Variants in PRKN observed in about 807,000 individuals in gnomAD.
The protein encoded by PRKN is parkin RBR E3 ubiquitin protein ligase.
PRKN carries 56 observed loss-of-function variants against 59.5 expected under a neutral mutation model. The ratio of observed to expected loss-of-function variants is 0.94; its 90% confidence interval spans 0.76 to 1.18. The LOEUF (loss-of-function observed/expected upper bound fraction) is 1.18. Ranked by LOEUF, PRKN falls within the 50% of genes most tolerant of loss-of-function variation. The pLI, the probability that PRKN is intolerant of heterozygous loss-of-function variation, is 0.00. For synonymous variants in PRKN, 250 were observed against 222.1 expected, an observed-to-expected ratio of 1.13 and a Z score of -1.12; for missense variants, 657 against 596.4, an observed-to-expected ratio of 1.10 and a Z score of -1.06.
At position 162,178,647 on chromosome 6, in the gene PRKN, T is replaced by G. The variant is rs114001355; in HGVS notation, c.534+22484A>C. Reference sequence around the variant, plus strand: ...TGCCAAAGTGCTGCAGGTGGACATGTTTGTGTGTTCTGAAGGACTTACATC... The same window carrying G: ...TGCCAAAGTGCTGCAGGTGGACATGGTTGTGTGTTCTGAAGGACTTACATC... On this transcript the variant is annotated intron_variant, in intron 4 of 11. Coordinates refer to ENST00000366898, the MANE Select transcript of PRKN (RefSeq NM_004562.3). 5.8e-3 allele frequency among the ~76,000 whole-genome samples: 878 copies of G among 152,290 alleles called. 12 individuals carry two copies. Among genetic ancestry groups the G allele is most frequent in the African/African-American group, 0.02 (845 of 41,552 alleles).
intron 6 of PRKN, among the ~76,000 whole-genome samples, chr6:161,805,478 A>ACACACATATG (rs61442187): frequency 5.4e-5 from 8 of 149,474 alleles, no homozygotes; most frequent in South Asian, 4.2e-4. Context: ...ACACACACAC[A>ACACACATATG]CATGCATGTA....
intron 1 of PRKN, among the ~76,000 whole-genome samples, chr6:162,498,648 T>C: frequency 6.6e-6 from 1 of 151,812 alleles, no homozygotes; most frequent in South Asian, 2.1e-4. Context: ...TTTCTCCATG[T>C]TGGTCAGGCT....
At chr6:162,278,967 A>AT (rs369361097) in intron 2 of PRKN, among the ~76,000 whole-genome samples, 3,485 of 152,186 alleles carry the variant, frequency 0.023, 130 homozygotes, top group African/African-American at 0.08. Flanking sequence ...TTTTTAAAAA[A>AT]TTTTTTAAAG....
chr6:162,347,188 T>C lies in PRKN; in HGVS notation c.172-84423A>G, dbSNP rs145219820. Among the ~76,000 whole-genome samples, 468 of 151,756 alleles carry C rather than the reference T, an allele frequency of 3.1e-3. 8 individuals are homozygous for C. The highest frequency in any genetic ancestry group is 0.027 in the Middle Eastern group (8 of 294). On this transcript the variant is annotated intron_variant, in intron 2 of 11. Coordinates refer to ENST00000366898, the MANE Select transcript of PRKN (RefSeq NM_004562.3). ...CATTTTCTTTAGGTTCTTTCTGTTG[T>C]CTTTTTTCTGACATCTTATGTTGGA...
chr6:161,478,249 T>C (rs1791214418), intron 9 of PRKN, among the ~76,000 whole-genome samples: 1 of 152,302 alleles, frequency 6.6e-6, no homozygotes, highest in South Asian at 2.1e-4. Flanking sequence ...AACTGAGTAG[T>C]GTGGCTCCCA....
intron 9 of PRKN, among the ~76,000 whole-genome samples, chr6:161,406,135 T>A (rs1272385396): frequency 6.6e-6 from 1 of 151,656 alleles, no homozygotes; most frequent in Admixed American, 6.6e-5. Context: ...TACACACACA[T>A]ATATATACAT....
chr6:161,780,201 T>C (rs1161898711), intron 7 of PRKN, among the ~76,000 whole-genome samples: 2 of 152,214 alleles, frequency 1.3e-5, no homozygotes, highest in Non-Finnish European at 2.9e-5. Context: ...CTGTATTATG[T>C]ATATAGTAAG....
chr6:162,377,970 G>T (rs1164817349), intron 2 of PRKN, among the ~76,000 whole-genome samples: 1 of 152,136 alleles, frequency 6.6e-6, no homozygotes, highest in Non-Finnish European at 1.5e-5. Flanking sequence ...AGTAAAACAA[G>T]AGGATCCCAG....
chr6:161,827,722 G>A (rs886347120), intron 6 of PRKN, among the ~76,000 whole-genome samples: 2 of 152,014 alleles, frequency 1.3e-5, no homozygotes, highest in African/African-American at 4.8e-5. Context: ...TGGCCAGTCT[G>A]CTCTTGAACT....
intron 4 of PRKN, among the ~76,000 whole-genome samples, chr6:162,186,666 A>AGTTTCTCATG (rs2128324939): frequency 6.6e-6 from 1 of 152,328 alleles, no homozygotes; most frequent in East Asian, 1.9e-4. Context: ...TCCTGGGAGC[A>AGTTTCTCATG]GTTTCTCATG....
rs922700331 is a variant in PRKN, at chr6:161,982,243, G to C, written c.619-8826C>G. ...AATAAAAGGTTTGCCCACTGCTCAA[G>C]GAAATAAAAGAGGAGACAAACAAAT... On this transcript the variant is annotated intron_variant, in intron 5 of 11. Coordinates refer to ENST00000366898, the MANE Select transcript of PRKN (RefSeq NM_004562.3). Among the ~76,000 whole-genome samples the C allele has an allele frequency of 3.2e-5, 4 of 125,798 alleles. 1 individual carries two copies. The highest frequency in any genetic ancestry group is 5.2e-5 in the Non-Finnish European group (3 of 58,132). 82.5% of individuals were successfully genotyped at this position (125,798 alleles called of 152,430 possible). A position where few individuals can be genotyped will look rare whatever the true frequency, so the allele number is the denominator to read the frequency against.
chr6:162,301,694 A>G (rs1484556098), intron 2 of PRKN, among the ~76,000 whole-genome samples: 2 of 147,716 alleles, frequency 1.4e-5, no homozygotes, highest in East Asian at 4.1e-4. Flanking sequence ...CTTACAGCCT[A>G]GTTTAACATG....
chr6:161,811,115 T>C (rs1167609823), intron 6 of PRKN, among the ~76,000 whole-genome samples: 2 of 152,186 alleles, frequency 1.3e-5, no homozygotes, highest in African/African-American at 2.4e-5. Flanking sequence ...TATGGAAATA[T>C]AATGATCTGT....
intron 4 of PRKN, among the ~76,000 whole-genome samples, chr6:162,111,022 G>C (rs1780408440): frequency 6.6e-6 from 1 of 152,138 alleles, no homozygotes; most frequent in Admixed American, 6.6e-5. Flanking sequence ...TGCAACGTGT[G>C]GGCTTCACCT....
chr6:162,574,767 GT>G (rs11319727), intron 1 of PRKN, among the ~76,000 whole-genome samples: 59,494 of 133,488 alleles, frequency 0.45, 12,517 homozygotes, highest in Non-Finnish European at 0.48. Flanking sequence ...ATACTAAGTT[GT>G]TTTTTTTTTT....
chr6:161,793,104 C>T (rs1790703579), intron 6 of PRKN, among the ~76,000 whole-genome samples: 1 of 152,180 alleles, frequency 6.6e-6, no homozygotes, highest in African/African-American at 2.4e-5. Context: ...AAGTGAGCAA[C>T]CCCCCTCACT....
intron 5 of PRKN, among the ~76,000 whole-genome samples, chr6:162,004,012 A>G (rs573519064): frequency 1.1e-4 from 17 of 152,180 alleles, no homozygotes; most frequent in Admixed American, 2.0e-4. Context: ...TGGTCTCGTC[A>G]CACAGATAAA....
chr6:162,077,411 C>T (rs1000387525), intron 4 of PRKN, among the ~76,000 whole-genome samples: 1 of 152,052 alleles, frequency 6.6e-6, no homozygotes, highest in African/African-American at 2.4e-5. Context: ...AGAACCTATC[C>T]CACCACAGTT....
At chr6:161,567,640 C>A (rs1780706442) in intron 8 of PRKN, among the ~76,000 whole-genome samples, 1 of 151,926 alleles carries the variant, frequency 6.6e-6, no homozygotes, top group African/African-American at 2.4e-5. Context: ...ACTATATTAC[C>A]AAAACTAATC....
Sources: allele counts gnomAD v4.1 joint callset (sites outside exome capture counted in the v4.1 genomes callset), GRCh38; gene constraint gnomAD v4.1.1; transcripts MANE v1.5; gene names NCBI Gene and HGNC (gene_info 2026-07-23, HGNC 2026-07-21).